The following DDX10 variants were observed in gnomAD, a reference collection of about 807,000 sequenced individuals.
The protein encoded by DDX10 is probable ATP-dependent RNA helicase DDX10.
Under a neutral mutation model 104.3 loss-of-function variants are expected in DDX10, and 74 were observed. The ratio of observed to expected loss-of-function variants is 0.71; its 90% CI spans 0.59 to 0.86. The LOEUF (loss-of-function observed/expected upper bound fraction) is 0.86, where lower values mean the gene tolerates loss of function less well. DDX10 is among the 40% of genes least tolerant of loss of function. DDX10 has a pLI of 0.00. For missense variants in DDX10, 952 were observed against 1,040.0 expected, an observed-to-expected ratio of 0.92 and a Z score of 1.16; for synonymous variants, 351 against 353.4, an observed-to-expected ratio of 0.99 and a Z score of 0.08.
rs546027046 is a variant in DDX10, at chr11:108,738,629, C to G, written c.1965+15167C>G. On this transcript the variant is annotated intron_variant, in intron 13 of 17. Transcript: ENST00000322536. ...TGATTAGGTATGGCATACCCAGTTA[C>G]TCCTTCTTTTCTCTGCCTACCCCAA... 2.6e-5 allele frequency among the ~76,000 whole-genome samples: 4 copies of G among 152,208 alleles called. 1 individual carries two copies. The South Asian group carries it at 8.3e-4, about 32-fold the overall frequency.
At chr11:108,823,766 C>A (rs541345927) in intron 13 of DDX10, among the ~76,000 whole-genome samples, 1 of 152,176 alleles carries the variant, frequency 6.6e-6, no homozygotes, top group Non-Finnish European at 1.5e-5. Flanking sequence ...TGCTTTAAGC[C>A]GCACTAACCA....
At chr11:108,765,335 C>T (rs2094355260) in intron 13 of DDX10, among the ~76,000 whole-genome samples, 1 of 152,106 alleles carries the variant, frequency 6.6e-6, no homozygotes, top group Non-Finnish European at 1.5e-5. Context: ...TAAAATTAAT[C>T]ATAGTATTTG....
At chr11:108,749,756 G>A (rs2094336172) in intron 13 of DDX10, among the ~76,000 whole-genome samples, 1 of 152,118 alleles carries the variant, frequency 6.6e-6, no homozygotes, top group African/African-American at 2.4e-5. Flanking sequence ...TTAACTAGCT[G>A]TTTATTTTGA....
At position 108,917,932 on chromosome 11, in the gene DDX10, T is replaced by C; in HGVS notation, c.2364T>C (p.Asp788=). 6.2e-7 allele frequency: 1 copy of C among 1,612,568 alleles called. No homozygotes were observed. Among genetic ancestry groups the C allele is most frequent in the South Asian group, 1.1e-5 (1 of 91,026 alleles). The part of the protein sequence containing the change: ...DWSDDDDDDD[D]GFDPSTLPDP... The stretch of plus-strand genomic sequence containing the variant: ...GTGATGATGATGATGATGATGATGA[T>C]GGATTTGATCCAAGCACACTCCCAG... Residue 788 remains aspartate, a synonymous_variant, in exon 17 of 18, where the codon GAT becomes GAC. Transcript: ENST00000322536.
intron 11 of DDX10, among the ~76,000 whole-genome samples, chr11:108,718,409 C>T (rs1205818005): frequency 6.6e-6 from 1 of 152,114 alleles, no homozygotes; most frequent in Non-Finnish European, 1.5e-5. Context: ...AATGAATAGG[C>T]ATGCAAACAT....
intron 13 of DDX10, among the ~76,000 whole-genome samples, chr11:108,811,208 A>G (rs139011700): frequency 7.2e-5 from 11 of 152,328 alleles, no homozygotes; most frequent in African/African-American, 2.6e-4. Context: ...CTTTGGCTGT[A>G]TATACATTCA....
At chr11:108,853,347 C>T (rs1314091921) in intron 16 of DDX10, among the ~76,000 whole-genome samples, 1 of 152,076 alleles carries the variant, frequency 6.6e-6, no homozygotes, top group East Asian at 1.9e-4. Flanking sequence ...ATTGCATGTT[C>T]AGCATAAAAT....
At chr11:108,929,959 A>G (rs947283640) in intron 17 of DDX10, among the ~76,000 whole-genome samples, 1 of 152,158 alleles carries the variant, frequency 6.6e-6, no homozygotes, top group Non-Finnish European at 1.5e-5. Context: ...AACATCTTGC[A>G]TTAGTGTGGT....
chr11:108,766,697 G>A (rs1368047539), intron 13 of DDX10, among the ~76,000 whole-genome samples: 1 of 152,146 alleles, frequency 6.6e-6, no homozygotes, highest in African/African-American at 2.4e-5. Flanking sequence ...ATTTTAATAA[G>A]CCGGGGAAGT....
intron 13 of DDX10, among the ~76,000 whole-genome samples, chr11:108,734,481 T>C (rs2094316071): frequency 6.6e-6 from 1 of 152,166 alleles, no homozygotes; most frequent in Admixed American, 6.6e-5. Context: ...GTATTTTTTT[T>C]CCTATTTGAG....
At chr11:108,787,282 C>G (rs1861807787) in intron 13 of DDX10, among the ~76,000 whole-genome samples, 1 of 152,080 alleles carries the variant, frequency 6.6e-6, no homozygotes, top group Non-Finnish European at 1.5e-5. Flanking sequence ...AGGTTTTTTT[C>G]TTTTGCATTG....
In DDX10 at chr11:108,679,373, C is replaced by G. The variant is rs769668692; in HGVS notation, c.661C>G (p.Leu221Val). The change falls in exon 6 of 18, where the codon CTT (leucine) becomes GTT (valine). Residue 221 changes from leucine to valine, a missense_variant and splice_region_variant. Coordinates refer to ENST00000322536, the MANE Select transcript of DDX10 (RefSeq NM_004398.4). ...CAACTTGCATTTTCCTTTTTCAGTT[C>G]TTGATGAAGCAGATAGAATCTTGGA... The part of the protein sequence containing the change: ...FHATDLQMLV[L>V]DEADRILDMG... 1 of 1,588,020 alleles carries G rather than the reference C, an allele frequency of 6.3e-7. No homozygotes were observed. The highest frequency in any genetic ancestry group is 1.4e-5 in the African/African-American group (1 of 73,212).
chr11:108,715,974 A>G lies in DDX10; in HGVS notation c.1410+8A>G. On this transcript the variant is annotated splice_region_variant and intron_variant, in intron 11 of 17. Transcript: ENST00000322536. ...AAAGAAAGAGCTCAAAGGGTAAGTC[A>G]TTTTTCAGTTGGATACTTTCATTGA... 7.0e-7 allele frequency: 1 copy of G among 1,424,080 alleles called. No individual in the cohort carries two copies. Among genetic ancestry groups the G allele is most frequent in the Non-Finnish European group, 9.9e-7 (1 of 1,014,298 alleles). The allele number at this position is 1,424,080 out of a possible 1,614,324, so 88.2% of individuals were successfully genotyped here.
At chr11:108,719,622 A>G (rs1353848795) in intron 11 of DDX10, among the ~76,000 whole-genome samples, 175 bp from the exon 12 acceptor site, 1 of 152,154 alleles carries the variant, frequency 6.6e-6, no homozygotes, top group Admixed American at 6.5e-5. Flanking sequence ...TTTTTTTCTA[A>G]TATTACAGTT....
intron 10 of DDX10, among the ~76,000 whole-genome samples, chr11:108,708,263 A>T (rs1192685976): frequency 1.1e-3 from 160 of 144,652 alleles, no homozygotes; most frequent in Middle Eastern, 7.2e-3. Flanking sequence ...GTTAAAAAAA[A>T]TTTTTTTTTT....
At chr11:108,777,019 T>C (rs75149150) in intron 13 of DDX10, among the ~76,000 whole-genome samples, 2,110 of 152,316 alleles carry the variant, frequency 0.014, 19 homozygotes, top group Non-Finnish European at 0.018. Flanking sequence ...TTCTGACTTA[T>C]GGAATTGTGA....
At chr11:108,694,522 A>G (rs192233334) in intron 9 of DDX10, among the ~76,000 whole-genome samples, 22 of 152,280 alleles carry the variant, frequency 1.4e-4, no homozygotes, top group East Asian at 1.2e-3. Flanking sequence ...CCTTCTTCCT[A>G]TACTCCCCAC....
In DDX10 at chr11:108,715,647, A is replaced by G. The variant is rs1004715431; in HGVS notation, c.1323-232A>G. ...TGGTGTTAATCCAAGTATTTCACTC[A>G]GCATGGGATGTTTGGAGAAAGTGTC... On this transcript the variant is annotated intron_variant, in intron 10 of 17. Transcript: ENST00000322536. 3.7e-4 allele frequency among the ~76,000 whole-genome samples: 56 copies of G among 152,370 alleles called. 1 individual carries two copies. Among genetic ancestry groups the G allele is most frequent in the Non-Finnish European group, 2.9e-4 (20 of 68,036 alleles).
chr11:108,886,596 T>G (rs2726900), intron 16 of DDX10, among the ~76,000 whole-genome samples: 1 of 152,204 alleles, frequency 6.6e-6, no homozygotes, highest in Non-Finnish European at 1.5e-5. Flanking sequence ...GCTGCCTGTA[T>G]CATTGCTTTA....
Sources: gnomAD v4.1 joint callset for allele counts (sites outside exome capture counted in the v4.1 genomes callset) on GRCh38, gnomAD v4.1.1 for gene constraint, MANE v1.5 for transcripts, NCBI Gene and HGNC (gene_info 2026-07-23, HGNC 2026-07-21) for gene names.